SMTN: variants seen among roughly 807,000 people sequenced by gnomAD.
SMTN encodes the protein smoothelin.
Under a neutral mutation model 102.0 loss-of-function variants are expected in SMTN, and 58 were observed. That is an observed-to-expected ratio of 0.57 (90% confidence interval 0.46 to 0.71). The LOEUF (loss-of-function observed/expected upper bound fraction) is 0.71. SMTN is among the 30% of genes least tolerant of loss of function. SMTN has a pLI of 0.00. For missense variants in SMTN, 1,185 were observed against 1,241.7 expected, an observed-to-expected ratio of 0.95 and a Z score of 0.69; for synonymous variants, 478 against 497.9, an observed-to-expected ratio of 0.96 and a Z score of 0.53.
chr22:31,095,668 C>T lies in SMTN; in HGVS notation c.1861+59C>T, dbSNP rs2043529046. On this transcript the variant is annotated intron_variant, in intron 13 of 20. Transcript: ENST00000333137. This position sits in a 1 kb window ranked among gnomAD's most constrained non-coding sequence, Gnocchi z 4.1. ...TGCCCCATTCCCCAGCTGCTCCCCT[C>T]ATACTCTGGGGTCCATTTGTGGACA... is the stretch of plus-strand genomic sequence containing the variant. The T allele has an allele frequency of 1.4e-6, 2 of 1,472,286 alleles. No homozygotes were observed. The highest frequency in any genetic ancestry group is 1.9e-5 in the Admixed American group (1 of 51,808). 91.2% of individuals were successfully genotyped at this position (1,472,286 alleles called of 1,614,324 possible). A position where few individuals can be genotyped will look rare whatever the true frequency, so the allele number is the denominator to read the frequency against.
In SMTN at chr22:31,095,717, C is replaced by T. The variant is rs535215323; in HGVS notation, c.1861+108C>T. The T allele has an allele frequency of 3.9e-5, 36 of 929,382 alleles. 1 individual carries two copies. In the South Asian group the frequency reaches 5.0e-4, roughly 13 times the overall value. 57.6% of individuals were successfully genotyped at this position (929,382 alleles called of 1,614,324 possible). On this transcript the variant is annotated intron_variant, in intron 13 of 20. Transcript: ENST00000333137. This position sits in a 1 kb window ranked among gnomAD's most constrained non-coding sequence, Gnocchi z 4.1. ...CACCCCAGCTTAATAACTGCCCTAC[C>T]CAGCTTCTCCTTCTCTAGACCCAGC...
chr22:31,073,592 G>A (rs7287295), intron 1 of SMTN, among the ~76,000 whole-genome samples: 108 of 152,320 alleles, frequency 7.1e-4, no homozygotes, highest in African/African-American at 2.5e-3. Context: ...CTCCCTGGGA[G>A]AGCCCCAACC....
chr22:31,104,473 C>T lies in SMTN; in HGVS notation c.*178C>T, dbSNP rs201517028. On this transcript the variant is annotated 3_prime_UTR_variant, in exon 21 of 21. Coordinates refer to ENST00000333137, the MANE Select transcript of SMTN (RefSeq NM_134269.3). ...GCGCGGCAAGAATGTCTAGCCTGCC[C>T]GCCCGCATGGCCAGCCAGTGGCAAG... is the stretch of plus-strand genomic sequence containing the variant. 3.5e-5 allele frequency: 56 copies of T among 1,611,724 alleles called. No individual in the cohort carries two copies. Among genetic ancestry groups the T allele is most frequent in the East Asian group, 2.5e-4 (11 of 44,852 alleles).
At chr22:31,064,432 G>C (rs930289224) in intron 1 of SMTN, 3 of 152,128 alleles carry the variant, frequency 2.0e-5, no homozygotes, top group African/African-American at 4.8e-5. Context: ...GATGATCCCT[G>C]GTAATGGAGA....
At chr22:31,073,084 G>A (rs1192696191) in intron 1 of SMTN, among the ~76,000 whole-genome samples, 2 of 141,192 alleles carry the variant, frequency 1.4e-5, no homozygotes, top group African/African-American at 2.8e-5. Context: ...GCATGATCTC[G>A]GTTCAGTGTA....
intron 1 of SMTN, among the ~76,000 whole-genome samples, chr22:31,073,617 C>T (rs913451353): frequency 6.6e-6 from 1 of 152,194 alleles, no homozygotes; most frequent in African/African-American, 2.4e-5. Context: ...TCAGACTTTG[C>T]AGGGGTGAGA....
intron 1 of SMTN, chr22:31,082,354 T>C (rs1441563899): frequency 2.8e-6 from 1 of 354,276 alleles, no homozygotes; most frequent in Non-Finnish European, 5.9e-6. Context: ...ATGGGGCTCT[T>C]GCCTCTGTCA....
rs1411650984 is a variant in SMTN at position 31,095,363 on chromosome 22, C to G, written c.1693C>G (p.Gln565Glu). ...AGTGGAAGCGGCCAATGGGGCTGAGCAGACCCGAGTGAACAAAGCACCAGA... is the reference window on the plus strand; with the variant it reads ...AGTGGAAGCGGCCAATGGGGCTGAGGAGACCCGAGTGAACAAAGCACCAGA... Reference protein sequence around the residue: ...AAVEAANGAEQTRVNKAPEGR... With the variant: ...AAVEAANGAEETRVNKAPEGR... Residue 565 changes from glutamine (Q) to glutamate (E), a missense_variant, in exon 12 of 21, where the codon CAG becomes GAG. Transcript: ENST00000333137. The surrounding 1 kb of genome is among the most constrained non-coding windows in gnomAD (Gnocchi z 4.1). 1 of 1,614,196 alleles carries G rather than the reference C, an allele frequency of 6.2e-7. No individual in the cohort carries two copies. The highest frequency in any genetic ancestry group is 8.5e-7 in the Non-Finnish European group (1 of 1,180,022).
At chr22:31,066,986 G>A (rs1014509034) in intron 1 of SMTN, 3 of 151,892 alleles carry the variant, frequency 2.0e-5, no homozygotes, top group Non-Finnish European at 4.4e-5. Flanking sequence ...GAACTCCTAA[G>A]CTCAAGCAAT....
chr22:31,098,543 C>A, intron 16 of SMTN, 124 bp from the exon 17 acceptor site: 2 of 868,030 alleles, frequency 2.3e-6, no homozygotes, highest in Non-Finnish European at 3.5e-6. Context: ...CCCTCCCTGG[C>A]AGGCGTTTGT....
At chr22:31,092,164 C>CA (rs1248448343) in intron 11 of SMTN, among the ~76,000 whole-genome samples, 1 of 152,204 alleles carries the variant, frequency 6.6e-6, no homozygotes, top group Non-Finnish European at 1.5e-5. Context: ...AACTGAGGCT[C>CA]AGAGAGGGTG....
chr22:31,075,446 C>T (rs751782520), intron 1 of SMTN, among the ~76,000 whole-genome samples: 1 of 151,976 alleles, frequency 6.6e-6, no homozygotes, highest in Non-Finnish European at 1.5e-5. Flanking sequence ...TTTGGGAGTC[C>T]GAGGCAGGTG....
intron 2 of SMTN, among the ~76,000 whole-genome samples, chr22:31,086,548 A>G (rs560364511): frequency 2.6e-5 from 4 of 152,238 alleles, no homozygotes; most frequent in African/African-American, 7.2e-5. Context: ...ACTGGCTAGA[A>G]CCAAGTATGG....
intron 13 of SMTN, 40 bp from the exon 14 acceptor site, chr22:31,096,693 G>C (rs2043605884): frequency 6.6e-7 from 1 of 1,504,058 alleles, no homozygotes; most frequent in African/African-American, 1.4e-5. Flanking sequence ...TGTGGGTGTT[G>C]GTGGCCCTTT....
At chr22:31,079,080 C>T (rs1353742291), upstream of SMTN, among the ~76,000 whole-genome samples, 2 of 152,152 alleles carry the variant, frequency 1.3e-5, no homozygotes, top group Non-Finnish European at 1.5e-5. Context: ...CTTCCTCTGT[C>T]GAATCAGAGT....
Position 31,096,133 on chromosome 22 carries a change from G to GA in SMTN, c.1861+526dup, listed in dbSNP as rs534882286. The GA allele has an allele frequency of 5.9e-4, 101 of 171,810 alleles. No individual in the cohort carries two copies. The East Asian group carries it at 0.013, about 22-fold the overall frequency. 10.6% of individuals were successfully genotyped at this position (171,810 alleles called of 1,614,324 possible). A position where few individuals can be genotyped will look rare whatever the true frequency, so the allele number is the denominator to read the frequency against. The stretch of plus-strand genomic sequence containing the variant: ...CTCAAACACTCTCAATTACTCCTCT[G>GA]AATCTAGCTGCTTCTGCCAGGGCCC... On this transcript the variant is annotated intron_variant, in intron 13 of 20. Transcript: ENST00000333137.
intron 1 of SMTN, chr22:31,082,599 G>A (rs538690489): frequency 1.8e-6 from 1 of 566,584 alleles, no homozygotes; most frequent in Admixed American, 2.2e-5. Context: ...GAATTGGCAG[G>A]AGGTGCTGGG....
chr22:31,085,699 G>C (rs2042647697), intron 2 of SMTN, among the ~76,000 whole-genome samples: 1 of 152,216 alleles, frequency 6.6e-6, no homozygotes, highest in South Asian at 2.1e-4. Context: ...GGGCCTGGGC[G>C]GGTGGAACTC....
chr22:31,069,869 A>C (rs2041956365), intron 1 of SMTN, among the ~76,000 whole-genome samples: 1 of 152,178 alleles, frequency 6.6e-6, no homozygotes, highest in Non-Finnish European at 1.5e-5. Flanking sequence ...TTGATTCATC[A>C]TCTCTCTGGG....
Sources: allele counts gnomAD v4.1 joint callset (sites outside exome capture counted in the v4.1 genomes callset), GRCh38; gene constraint gnomAD v4.1.1; non-coding constraint Gnocchi (gnomAD v3.1); transcripts MANE v1.5; gene names NCBI Gene and HGNC (gene_info 2026-07-23, HGNC 2026-07-21).